Variants in TMEM65 observed in about 807,000 individuals in gnomAD.
TMEM65 encodes transmembrane protein 65.
A neutral mutation model predicts 25.4 loss-of-function variants in TMEM65; 22 were observed. The observed-to-expected ratio is 0.86, with a 90% CI of 0.62 to 1.23. The LOEUF (loss-of-function observed/expected upper bound fraction) is 1.23, where lower values mean the gene tolerates loss of function less well. Ranked by LOEUF, TMEM65 falls within the 50% of genes most tolerant of loss-of-function variation. TMEM65 has a pLI of 0.00. For missense variants in TMEM65, 262 were observed against 308.2 expected (o/e 0.85, Z 1.12); for synonymous variants, 132 against 126.2 (o/e 1.05, Z -0.31).
intron 2 of TMEM65, among the ~76,000 whole-genome samples, chr8:124,327,954 A>T (rs1814387668): frequency 6.6e-6 from 1 of 152,068 alleles, no homozygotes; most frequent in Non-Finnish European, 1.5e-5. Context: ...ATATTACCTC[A>T]TCTATGTGCA....
At chr8:124,340,523 TCATTAA>T (rs147265828) in intron 1 of TMEM65, among the ~76,000 whole-genome samples, 61,738 of 151,446 alleles carry the variant, frequency 0.41, 12,847 homozygotes, top group East Asian at 0.56. Flanking sequence ...ATCTTCACAG[TCATTAA>T]CATTAAAATT....
At chr8:124,323,051 G>C (rs1338295730) in intron 4 of TMEM65, among the ~76,000 whole-genome samples, 1 of 151,826 alleles carries the variant, frequency 6.6e-6, no homozygotes, top group African/African-American at 2.4e-5. Flanking sequence ...GAAATGTTTA[G>C]GGGTAACACT....
In TMEM65 at chr8:124,354,734, C is replaced by A. The variant is rs1437161535; in HGVS notation, c.304+17120G>T. On this transcript the variant is annotated intron_variant, in intron 1 of 6. Transcript: ENST00000297632. The stretch of plus-strand genomic sequence containing the variant: ...ACCTTTACTTCTACCTCTGCCCAAG[C>A]CTGCTTCTTTCCCTTCCCTTCCCAA... 2.0e-5 allele frequency among the ~76,000 whole-genome samples: 3 copies of A among 152,336 alleles called. No homozygotes were observed. The East Asian group carries it at 5.8e-4, about 29-fold the overall frequency.
intron 1 of TMEM65, among the ~76,000 whole-genome samples, chr8:124,367,872 T>C (rs1426011926): frequency 6.6e-6 from 1 of 152,236 alleles, no homozygotes; most frequent in African/African-American, 2.4e-5. Flanking sequence ...TGCAAGCTAA[T>C]TGAGACCTAA....
At chr8:124,326,638 A>G (rs1322111455) in intron 3 of TMEM65, among the ~76,000 whole-genome samples, 1 of 152,060 alleles carries the variant, frequency 6.6e-6, no homozygotes, top group Non-Finnish European at 1.5e-5. Context: ...AACACTTGGT[A>G]TGTTCTTGAA....
intron 1 of TMEM65, among the ~76,000 whole-genome samples, chr8:124,361,968 G>A (rs934893834): frequency 6.7e-6 from 1 of 149,482 alleles, no homozygotes; most frequent in Admixed American, 6.7e-5. Flanking sequence ...TCGGCTCACT[G>A]CAACCTCTGC....
intron 6 of TMEM65, among the ~76,000 whole-genome samples, chr8:124,317,110 A>G (rs1416479526): frequency 1.3e-5 from 2 of 152,174 alleles, no homozygotes; most frequent in Non-Finnish European, 2.9e-5. Context: ...TTAACTCTAT[A>G]TTACCTATGT....
At chr8:124,322,548 A>G (rs1380720156) in intron 4 of TMEM65, among the ~76,000 whole-genome samples, 1 of 152,202 alleles carries the variant, frequency 6.6e-6, no homozygotes, top group Non-Finnish European at 1.5e-5. Context: ...TACAATAAAT[A>G]CAACATAGAA....
intron 1 of TMEM65, among the ~76,000 whole-genome samples, chr8:124,332,360 C>A (rs1283744410): frequency 1.3e-5 from 2 of 152,018 alleles, no homozygotes; most frequent in African/African-American, 4.8e-5. Flanking sequence ...CTTGAAATAC[C>A]TAAAAATTCA....
chr8:124,313,188 A>G lies in TMEM65; in HGVS notation c.*772T>C, dbSNP rs1457831662. The stretch of plus-strand genomic sequence containing the variant: ...ATCCCCATTTCAAAGACTCTAAAAT[A>G]ATCATTTGCTTCCCCTCAAAAGTCA... On this transcript the variant is annotated 3_prime_UTR_variant, in exon 7 of 7. Transcript: ENST00000297632. 2 of 151,938 alleles carry G rather than the reference A, an allele frequency of 1.3e-5. No homozygotes were observed. 9.4% of individuals were successfully genotyped at this position (151,938 alleles called of 1,614,324 possible).
At chr8:124,356,624 G>A (rs1026675455) in intron 1 of TMEM65, among the ~76,000 whole-genome samples, 1 of 152,070 alleles carries the variant, frequency 6.6e-6, no homozygotes, top group Non-Finnish European at 1.5e-5. Context: ...TCTCTTTCAC[G>A]TTATTAAATC....
At chr8:124,347,729 T>C (rs1814655283) in intron 1 of TMEM65, among the ~76,000 whole-genome samples, 1 of 152,144 alleles carries the variant, frequency 6.6e-6, no homozygotes, top group Non-Finnish European at 1.5e-5. Flanking sequence ...TTGAGACCAG[T>C]GGTATAACAG....
rs544661847 is a variant in TMEM65, at chr8:124,313,243, G to T, written c.*717C>A. 4.6e-5 allele frequency: 7 copies of T among 151,822 alleles called. No homozygotes were observed. In the East Asian group the frequency reaches 7.7e-4, roughly 17 times the overall value. 9.4% of individuals were successfully genotyped at this position (151,822 alleles called of 1,614,324 possible). On this transcript the variant is annotated 3_prime_UTR_variant, in exon 7 of 7. Transcript: ENST00000297632. The stretch of plus-strand genomic sequence containing the variant: ...CCACCATGTAATTATTCAAAACTGG[G>T]AAACTAAAAGGTTAAAAAAAATCAA...
intron 1 of TMEM65, among the ~76,000 whole-genome samples, chr8:124,360,429 C>CA (rs55829098): frequency 0.27 from 18,920 of 70,786 alleles, 2,250 homozygotes; most frequent in Middle Eastern, 0.4. Context: ...GACTCTGTCA[C>CA]AAAAAAAAAA....
In TMEM65 at chr8:124,308,946, T is replaced by C. The variant is rs1296946714; in HGVS notation, c.*5014A>G. 1 of 152,192 alleles carries C rather than the reference T, an allele frequency of 6.6e-6. No homozygotes were observed. Among genetic ancestry groups the C allele is most frequent in the Non-Finnish European group, 1.5e-5 (1 of 68,034 alleles). The allele number at this position is 152,192 out of a possible 1,614,324, so 9.4% of individuals were successfully genotyped here. On this transcript the variant is annotated 3_prime_UTR_variant, in exon 7 of 7. Coordinates refer to ENST00000297632, the MANE Select transcript of TMEM65 (RefSeq NM_194291.3). Reference sequence around the variant, plus strand: ...AATGCATTTTCATAATTACACGTAGTGTGCCTGCCTTTCCTGCTTCCCCTT... The same window carrying C: ...AATGCATTTTCATAATTACACGTAGCGTGCCTGCCTTTCCTGCTTCCCCTT...
chr8:124,348,778 T>A (rs1011485780), intron 1 of TMEM65, among the ~76,000 whole-genome samples: 4 of 152,194 alleles, frequency 2.6e-5, no homozygotes, highest in African/African-American at 9.7e-5. Flanking sequence ...AAATAAGAAT[T>A]CTTTCACAGA....
In TMEM65 at chr8:124,311,763, A is replaced by G. The variant is rs1173602578; in HGVS notation, c.*2197T>C. On this transcript the variant is annotated 3_prime_UTR_variant, in exon 7 of 7. Coordinates refer to ENST00000297632, the MANE Select transcript of TMEM65 (RefSeq NM_194291.3). ...GGGTAGACTATGATCTTAAACATAT[A>G]CCTTCAGTTAAAGACAAATGGTCTC... 1 of 152,146 alleles carries G rather than the reference A, an allele frequency of 6.6e-6. No individual in the cohort carries two copies. The highest frequency in any genetic ancestry group is 2.4e-5 in the African/African-American group (1 of 41,444). 9.4% of individuals were successfully genotyped at this position (152,146 alleles called of 1,614,324 possible). A position where few individuals can be genotyped will look rare whatever the true frequency, so the allele number is the denominator to read the frequency against.
At chr8:124,314,877 G>A (rs1814214627) in intron 6 of TMEM65, among the ~76,000 whole-genome samples, 1 of 150,532 alleles carries the variant, frequency 6.6e-6, no homozygotes, top group African/African-American at 2.4e-5. Context: ...GTCTCCCTAT[G>A]TTGCCCAGGC....
intron 1 of TMEM65, among the ~76,000 whole-genome samples, chr8:124,368,174 A>G (rs1814965912): frequency 1.3e-5 from 2 of 150,102 alleles, no homozygotes; most frequent in Non-Finnish European, 3.0e-5. Context: ...CTTGTGTAGT[A>G]CTCTCCCACA....
Sources: allele counts gnomAD v4.1 joint callset (sites outside exome capture counted in the v4.1 genomes callset), GRCh38; gene constraint gnomAD v4.1.1; transcripts MANE v1.5; gene names NCBI Gene and HGNC (gene_info 2026-07-23, HGNC 2026-07-21).